The following CNTN1 variants were observed in gnomAD, a reference collection of about 807,000 sequenced individuals.
CNTN1 encodes the protein contactin-1.
Under a neutral mutation model 126.4 loss-of-function variants are expected in CNTN1, and 38 were observed. The observed-to-expected ratio is 0.30, with a 90% CI of 0.23 to 0.39. The LOEUF is 0.39. CNTN1 is among the 10% of genes least tolerant of loss of function. CNTN1 has a pLI of 1.00. For missense variants in CNTN1, 1,009 were observed against 1,248.4 expected (o/e 0.81, Z 2.89); for synonymous variants, 413 against 422.6 (o/e 0.98, Z 0.28).
In CNTN1 at chr12:41,024,355, T is replaced by A. The variant is rs527408578; in HGVS notation, c.2524-795T>A. ...TTTTATTCTTATATTACATATAACA[T>A]ATTTTTATTCATTTTATTCATACCT... is the stretch of plus-strand genomic sequence containing the variant. On this transcript the variant is annotated intron_variant, in intron 20 of 23. Transcript: ENST00000551295. Among the ~76,000 whole-genome samples the A allele has an allele frequency of 4.6e-5, 7 of 152,162 alleles. No homozygotes were observed. The South Asian group carries it at 6.2e-4, about 14-fold the overall frequency.
intron 1 of CNTN1, among the ~76,000 whole-genome samples, chr12:40,853,660 A>C (rs761602949): frequency 1.3e-5 from 2 of 152,036 alleles, no homozygotes; most frequent in Admixed American, 6.6e-5. Flanking sequence ...AGAGATATAC[A>C]ATCCTTTTTT....
At chr12:40,843,472 T>A (rs58321893) in intron 1 of CNTN1, among the ~76,000 whole-genome samples, 8,292 of 152,290 alleles carry the variant, frequency 0.054, 255 homozygotes, top group Middle Eastern at 0.11. Context: ...TCAGACTCCA[T>A]GGAAACAATA....
chr12:40,706,246 C>T, intron 1 of CNTN1, among the ~76,000 whole-genome samples: 1 of 148,100 alleles, frequency 6.8e-6, no homozygotes, highest in South Asian at 2.2e-4. Flanking sequence ...AGGTATATCT[C>T]CTAATGCTTT....
At chr12:41,034,473 A>G (rs1302397418) in intron 23 of CNTN1, among the ~76,000 whole-genome samples, 2 of 152,188 alleles carry the variant, frequency 1.3e-5, no homozygotes, top group African/African-American at 2.4e-5. Flanking sequence ...TAAGTATTGC[A>G]GTGTAAGAGG....
chr12:40,892,337 T>A (rs2136733322), intron 1 of CNTN1, among the ~76,000 whole-genome samples: 1 of 152,198 alleles, frequency 6.6e-6, no homozygotes, highest in Middle Eastern at 3.4e-3. Flanking sequence ...CAATGGATTT[T>A]GTTTGTTTGT....
At chr12:41,045,259 T>C (rs1949516498) in intron 23 of CNTN1, among the ~76,000 whole-genome samples, 1 of 152,110 alleles carries the variant, frequency 6.6e-6, no homozygotes, top group South Asian at 2.1e-4. Flanking sequence ...TTATCTTTAA[T>C]AGATATATGC....
At chr12:40,879,766 C>T (rs908582830) in intron 1 of CNTN1, among the ~76,000 whole-genome samples, 2 of 152,028 alleles carry the variant, frequency 1.3e-5, no homozygotes, top group African/African-American at 4.8e-5. Flanking sequence ...CACAGAGACA[C>T]GTAAATTCTT....
At chr12:40,868,851 C>T (rs1943393964) in intron 1 of CNTN1, among the ~76,000 whole-genome samples, 1 of 152,108 alleles carries the variant, frequency 6.6e-6, no homozygotes, top group Non-Finnish European at 1.5e-5. Flanking sequence ...GCCACTGGTA[C>T]TGTGCTAGAA....
intron 16 of CNTN1, among the ~76,000 whole-genome samples, chr12:40,981,542 C>T (rs1031223509): frequency 1.3e-5 from 2 of 152,074 alleles, no homozygotes; most frequent in African/African-American, 2.4e-5. Context: ...TGATCTCACC[C>T]GGTTTGAATT....
At chr12:40,939,542 T>C (rs955537930) in intron 12 of CNTN1, 57 bp downstream of exon 12, 6 of 1,583,518 alleles carry the variant, frequency 3.8e-6, no homozygotes, top group South Asian at 1.1e-5. Context: ...GTTTATTTTA[T>C]AGAAGACTTG....
At chr12:41,030,166 TA>T (rs1383805514) in intron 23 of CNTN1, among the ~76,000 whole-genome samples, 1 of 151,760 alleles carries the variant, frequency 6.6e-6, no homozygotes, top group Non-Finnish European at 1.5e-5. Context: ...GAACTTAAAA[TA>T]AAAGTTAAAT....
chr12:40,764,573 C>G (rs113790283), intron 1 of CNTN1, among the ~76,000 whole-genome samples: 1,785 of 152,194 alleles, frequency 0.012, 44 homozygotes, highest in African/African-American at 0.041. Flanking sequence ...GAAAGACTTT[C>G]CTGGTATAGA....
chr12:40,865,679 CTA>C (rs1192749924), intron 1 of CNTN1, among the ~76,000 whole-genome samples: 1 of 152,000 alleles, frequency 6.6e-6, no homozygotes, highest in East Asian at 1.9e-4. Flanking sequence ...TCCTATTGAT[CTA>C]TATGTCTATT....
At position 40,944,141 on chromosome 12, in the gene CNTN1, G is replaced by C. The variant is rs145518983; in HGVS notation, c.1654G>C (p.Glu552Gln). Reference protein sequence around the residue: ...FNGYVIDFNKENIHYQRNFML... With the variant: ...FNGYVIDFNKQNIHYQRNFML... ...TGGCTATGTGATCGATTTTAACAAA[G>C]AGAATATTCACTACCAGAGGAATTT... The change falls in exon 14 of 24, where the codon GAG becomes CAG. Residue 552 changes from glutamate to glutamine, a missense_variant. Glu to Gln is a conservative substitution (Grantham distance 29). Transcript: ENST00000551295. 1.2e-6 allele frequency: 2 copies of C among 1,613,288 alleles called. No homozygotes were observed. The highest frequency in any genetic ancestry group is 1.3e-5 in the African/African-American group (1 of 74,980).
rs971122673 is a variant in CNTN1, at chr12:41,028,992, T to C, written c.2824-71T>C. Reference sequence around the variant, plus strand: ...AATCAAAGTATAAGCATTTTTATTCTGGTTTTAGTGTTAGAGCATTGGCTC... The same window carrying C: ...AATCAAAGTATAAGCATTTTTATTCCGGTTTTAGTGTTAGAGCATTGGCTC... On this transcript the variant is annotated intron_variant, in intron 22 of 23. Transcript: ENST00000551295. 4.2e-6 allele frequency: 6 copies of C among 1,416,818 alleles called. No individual in the cohort carries two copies. The Middle Eastern group carries it at 7.3e-4, about 173-fold the overall frequency. The allele number at this position is 1,416,818 out of a possible 1,614,324, so 87.8% of individuals were successfully genotyped here.
intron 1 of CNTN1, among the ~76,000 whole-genome samples, chr12:40,806,167 T>G (rs1028129370): frequency 6.6e-6 from 1 of 152,090 alleles, no homozygotes; most frequent in African/African-American, 2.4e-5. Context: ...AAAGAGCTCC[T>G]GTGTGTCTAT....
Position 40,980,931 on chromosome 12 carries a change from T to G in CNTN1, c.1827T>G (p.Gly609=). The change falls in exon 16 of 24, where the codon GGT becomes GGG. Residue 609 remains glycine, a synonymous_variant. Transcript: ENST00000551295. ...VVRGPPGPPG[G]LRIEDIRATS... ...CAGGCCCTCCAGGCCCTCCAGGTGG[T>G]CTGAGAATAGAAGACATTAGAGCCA... The G allele has an allele frequency of 6.2e-7, 1 of 1,613,982 alleles. No individual in the cohort carries two copies. The highest frequency in any genetic ancestry group is 8.5e-7 in the Non-Finnish European group (1 of 1,179,934).
intron 23 of CNTN1, among the ~76,000 whole-genome samples, chr12:41,055,586 C>T (rs1043876298): frequency 5.3e-5 from 8 of 152,104 alleles, no homozygotes; most frequent in African/African-American, 1.9e-4. Flanking sequence ...GCCATTTCTG[C>T]ACCCAGTACT....
intron 1 of CNTN1, among the ~76,000 whole-genome samples, chr12:40,750,088 C>A (rs779474329): frequency 4.6e-5 from 7 of 151,904 alleles, no homozygotes; most frequent in Non-Finnish European, 8.8e-5. Context: ...TGAATTGGTT[C>A]AGAAGAATGA....
Sources: allele counts gnomAD v4.1 joint callset (sites outside exome capture counted in the v4.1 genomes callset), GRCh38; gene constraint gnomAD v4.1.1; transcripts MANE v1.5; gene names NCBI Gene and HGNC (gene_info 2026-07-23, HGNC 2026-07-21).